The following PIP5K1B variants were observed in gnomAD, a reference collection of about 807,000 sequenced individuals.
PIP5K1B encodes the protein phosphatidylinositol-4-phosphate 5-kinase type 1 beta, also known as phosphatidylinositol 4-phosphate 5-kinase type-1 beta.
PIP5K1B carries 42 observed loss-of-function variants against 67.0 expected under a neutral mutation model. The ratio of observed to expected loss-of-function variants is 0.63; its 90% CI spans 0.49 to 0.81. The LOEUF (loss-of-function observed/expected upper bound fraction) is 0.81. Ranked by LOEUF, PIP5K1B falls within the 30% of genes least tolerant of loss-of-function variation. The probability of loss-of-function intolerance (pLI) is 0.00; values close to 1 mark genes in which losing one functional copy is unlikely to be tolerated. For synonymous variants in PIP5K1B, 214 were observed against 231.4 expected (o/e 0.92, Z 0.68); for missense variants, 459 against 646.3 (o/e 0.71, Z 3.14).
intron 1 of PIP5K1B, among the ~76,000 whole-genome samples, chr9:68,721,038 G>A (rs1428515206): frequency 6.6e-6 from 1 of 152,172 alleles, no homozygotes; most frequent in Non-Finnish European, 1.5e-5. Flanking sequence ...AGTGCATTTT[G>A]GAGCTGTATA....
At position 68,908,176 on chromosome 9, in the gene PIP5K1B, A is replaced by C. The variant is rs529543368; in HGVS notation, c.772-9372A>C. On this transcript the variant is annotated intron_variant, in intron 8 of 15. Transcript: ENST00000265382. ...AAGTAAATCATTCATAGTAAAGCCA[A>C]CAAGAAGATATATCATATAATGAGA... 4.6e-5 allele frequency among the ~76,000 whole-genome samples: 7 copies of C among 152,360 alleles called. No homozygotes were observed. The East Asian group carries it at 1.2e-3, about 25-fold the overall frequency.
intron 14 of PIP5K1B, among the ~76,000 whole-genome samples, chr9:68,956,646 T>A (rs1012506824): frequency 6.6e-6 from 1 of 152,344 alleles, no homozygotes; most frequent in Non-Finnish European, 1.5e-5. Flanking sequence ...TATTCATATG[T>A]TGCTAGAGAA....
chr9:68,980,827 C>T (rs891280514), intron 14 of PIP5K1B, among the ~76,000 whole-genome samples: 1 of 152,114 alleles, frequency 6.6e-6, no homozygotes, highest in Admixed American at 6.6e-5. Context: ...TAACATGAAG[C>T]AGCCTAAAAT....
intron 1 of PIP5K1B, among the ~76,000 whole-genome samples, chr9:68,706,688 G>T (rs1827140709): frequency 6.6e-6 from 1 of 152,148 alleles, no homozygotes; most frequent in Non-Finnish European, 1.5e-5. Flanking sequence ...ATTCTCAGAT[G>T]CAGGAGGCCC....
chr9:68,994,519 T>C (rs946164540), intron 15 of PIP5K1B, among the ~76,000 whole-genome samples: 1 of 152,218 alleles, frequency 6.6e-6, no homozygotes, highest in African/African-American at 2.4e-5. Context: ...GATTCTCACA[T>C]CTGTTTCTGT....
At chr9:68,880,615 ACG>A (rs1824152743) in intron 6 of PIP5K1B, among the ~76,000 whole-genome samples, 1 of 83,224 alleles carries the variant, frequency 1.2e-5, no homozygotes, top group South Asian at 3.6e-4. Context: ...ACACACACAC[ACG>A]CATACACACA....
chr9:68,898,826 G>T (rs552557219), intron 8 of PIP5K1B, among the ~76,000 whole-genome samples: 4 of 152,182 alleles, frequency 2.6e-5, no homozygotes, highest in Non-Finnish European at 5.9e-5. Context: ...TATTGAGACC[G>T]TGGTTATTCA....
At chr9:68,880,596 C>CGCAT (rs1564202556) in intron 6 of PIP5K1B, among the ~76,000 whole-genome samples, 3 of 146,714 alleles carry the variant, frequency 2.0e-5, no homozygotes, top group African/African-American at 5.0e-5. Context: ...CACGCATACA[C>CGCAT]ACACACACAC....
chr9:68,963,367 G>T (rs527552686), intron 14 of PIP5K1B: 66 of 369,582 alleles, frequency 1.8e-4, no homozygotes, highest in African/African-American at 1.3e-3. Flanking sequence ...GCTGGGCGTG[G>T]TGGTGCATGC....
At chr9:68,760,575 G>A (rs1375605674) in intron 2 of PIP5K1B, among the ~76,000 whole-genome samples, 1 of 152,040 alleles carries the variant, frequency 6.6e-6, no homozygotes, top group Non-Finnish European at 1.5e-5. Flanking sequence ...CAGTCCATGA[G>A]TGAGAGACAA....
At chr9:68,748,324 C>G (rs1040622417) in intron 2 of PIP5K1B, among the ~76,000 whole-genome samples, 5 of 152,220 alleles carry the variant, frequency 3.3e-5, no homozygotes, top group African/African-American at 1.2e-4. Flanking sequence ...ATATCCTTCT[C>G]TCCACTGGGA....
intron 4 of PIP5K1B, among the ~76,000 whole-genome samples, chr9:68,846,790 A>G (rs1822213673): frequency 6.6e-6 from 1 of 152,210 alleles, no homozygotes; most frequent in Non-Finnish European, 1.5e-5. Flanking sequence ...ACATGTATGT[A>G]TAATTCCCTA....
chr9:68,987,886 G>A (rs920900954), intron 14 of PIP5K1B, among the ~76,000 whole-genome samples: 2 of 152,128 alleles, frequency 1.3e-5, no homozygotes, highest in Non-Finnish European at 2.9e-5. Context: ...TCTCCCACCA[G>A]GTCCTTCTCC....
chr9:68,882,319 T>C (rs1332424846), intron 6 of PIP5K1B, among the ~76,000 whole-genome samples: 3 of 152,248 alleles, frequency 2.0e-5, no homozygotes, highest in Non-Finnish European at 4.4e-5. Context: ...TTCTACAGCA[T>C]AATGGTGATA....
intron 14 of PIP5K1B, among the ~76,000 whole-genome samples, chr9:68,945,768 G>A (rs1364971029): frequency 6.6e-6 from 1 of 152,130 alleles, no homozygotes; most frequent in African/African-American, 2.4e-5. Context: ...CTAAAAAGTG[G>A]AGGCATGACT....
chr9:68,802,697 A>C (rs935527250), intron 2 of PIP5K1B, among the ~76,000 whole-genome samples: 1 of 152,184 alleles, frequency 6.6e-6, no homozygotes, highest in Non-Finnish European at 1.5e-5. Context: ...AGTGAAGGGG[A>C]TGTGCCAGGC....
intron 1 of PIP5K1B, among the ~76,000 whole-genome samples, chr9:68,730,530 A>G (rs921887122): frequency 2.0e-5 from 3 of 152,244 alleles, no homozygotes; most frequent in Admixed American, 6.5e-5. Context: ...TAGATCTGTT[A>G]TCGCGGCCCA....
At chr9:68,883,299 G>C (rs1824292991) in intron 6 of PIP5K1B, among the ~76,000 whole-genome samples, 1 of 152,112 alleles carries the variant, frequency 6.6e-6, no homozygotes, top group South Asian at 2.1e-4. Flanking sequence ...CGGTTTTTAT[G>C]GTGTCCTGTC....
At chr9:68,872,627 T>C (rs1823683140) in intron 5 of PIP5K1B, among the ~76,000 whole-genome samples, 3 of 152,348 alleles carry the variant, frequency 2.0e-5, no homozygotes, top group South Asian at 4.1e-4. Context: ...TTTTTTTCAG[T>C]GTCCAGCTCC....
Sources: gnomAD v4.1 joint callset for allele counts (sites outside exome capture counted in the v4.1 genomes callset) on GRCh38, gnomAD v4.1.1 for gene constraint, MANE v1.5 for transcripts, NCBI Gene and HGNC (gene_info 2026-07-23, HGNC 2026-07-21) for gene names.